Variants in MSRB3 observed in about 807,000 individuals in gnomAD.
MSRB3 encodes the protein methionine sulfoxide reductase B3, also known as methionine-R-sulfoxide reductase B3.
MSRB3 carries 13 observed loss-of-function variants against 21.0 expected under a neutral mutation model. That is an observed-to-expected ratio of 0.62 (90% confidence interval 0.40 to 0.98). The LOEUF (loss-of-function observed/expected upper bound fraction) is 0.98, where lower values mean the gene tolerates loss of function less well. Ranked by LOEUF, MSRB3 falls within the 50% of genes least tolerant of loss-of-function variation. MSRB3 has a pLI of 0.00. For missense variants in MSRB3, 199 were observed against 230.3 expected, an observed-to-expected ratio of 0.86 and a Z score of 0.88; for synonymous variants, 87 against 88.6, an observed-to-expected ratio of 0.98 and a Z score of 0.10.
chr12:65,423,247 C>A (rs1881414865), intron 5 of MSRB3, among the ~76,000 whole-genome samples: 1 of 152,186 alleles, frequency 6.6e-6, no homozygotes, highest in African/African-American at 2.4e-5. Flanking sequence ...CAGGCATGAG[C>A]CACAGTGCCT....
intron 5 of MSRB3, among the ~76,000 whole-genome samples, chr12:65,370,125 C>T (rs1249252245): frequency 6.6e-6 from 1 of 152,086 alleles, no homozygotes; most frequent in Non-Finnish European, 1.5e-5. Flanking sequence ...CTTCTGCAGC[C>T]TCTGAATCAG....
At chr12:65,350,447 A>T (rs1310687076) in intron 4 of MSRB3, among the ~76,000 whole-genome samples, 1 of 151,664 alleles carries the variant, frequency 6.6e-6, no homozygotes, top group Non-Finnish European at 1.5e-5. Flanking sequence ...ACAGGATCAA[A>T]TTCACACGTA....
chr12:65,353,703 T>C (rs141951913), intron 4 of MSRB3, among the ~76,000 whole-genome samples: 249 of 152,336 alleles, frequency 1.6e-3, no homozygotes, highest in African/African-American at 5.2e-3. Context: ...TGTCTTTTCA[T>C]TGGAGCATTT....
intron 2 of MSRB3, among the ~76,000 whole-genome samples, chr12:65,324,211 T>A (rs559534323): frequency 4.6e-5 from 7 of 152,338 alleles, no homozygotes; most frequent in Non-Finnish European, 8.8e-5. Context: ...CAAAACCAAA[T>A]AATTTGTAGG....
rs765351933 is a variant in MSRB3, at chr12:65,278,762, C to G, written c.-155C>G. 1.3e-6 allele frequency: 2 copies of G among 1,577,960 alleles called. No homozygotes were observed. On this transcript the variant is annotated 5_prime_UTR_variant, in exon 1 of 7. Transcript: ENST00000308259. ...TCGGACACCGGCGGCGGCTGCCTGG[C>G]CTTTCCATGAGCCCGCGGCGGACCC...
rs528703241 is a variant in MSRB3 at position 65,347,767 on chromosome 12, C to A, written c.263+19164C>A. ...TATTTGCAGATATGTCCCATCAGTA[C>A]CTAATTTATTGAGAGTTTTTAGCAC... is the stretch of plus-strand genomic sequence containing the variant. On this transcript the variant is annotated intron_variant, in intron 4 of 6. Coordinates refer to ENST00000308259, the MANE Select transcript of MSRB3 (RefSeq NM_001031679.3). Among the ~76,000 whole-genome samples the A allele has an allele frequency of 2.0e-5, 3 of 152,246 alleles. No individual in the cohort carries two copies. In the South Asian group the frequency reaches 6.2e-4, roughly 32 times the overall value.
intron 4 of MSRB3, among the ~76,000 whole-genome samples, chr12:65,341,396 G>GT (rs1483514376): frequency 6.6e-6 from 1 of 151,892 alleles, no homozygotes; most frequent in Admixed American, 6.6e-5. Context: ...TAGAAGGATG[G>GT]TTACCAGAGG....
At chr12:65,392,487 G>T (rs1879536220) in intron 5 of MSRB3, among the ~76,000 whole-genome samples, 1 of 152,146 alleles carries the variant, frequency 6.6e-6, no homozygotes, top group African/African-American at 2.4e-5. Context: ...ACAATTTATG[G>T]CTAGTCCTTT....
intron 5 of MSRB3, among the ~76,000 whole-genome samples, chr12:65,380,885 A>G (rs1878904087): frequency 6.6e-6 from 1 of 152,130 alleles, no homozygotes; most frequent in Non-Finnish European, 1.5e-5. Context: ...AACCTATAAT[A>G]TGAGTTGATG....
intron 4 of MSRB3, among the ~76,000 whole-genome samples, chr12:65,367,565 C>G (rs11175736): frequency 2.0e-5 from 3 of 152,280 alleles, no homozygotes; most frequent in African/African-American, 4.8e-5. Context: ...GTTAATAAGG[C>G]ATGGCTATAG....
chr12:65,285,555 C>G (rs1872288962), intron 1 of MSRB3: 2 of 152,266 alleles, frequency 1.3e-5, no homozygotes, highest in African/African-American at 4.8e-5. Flanking sequence ...GTGTTTTCGG[C>G]TGGGTTTGGT....
intron 4 of MSRB3, among the ~76,000 whole-genome samples, chr12:65,340,078 T>G (rs1428468372): frequency 1.3e-5 from 2 of 152,188 alleles, no homozygotes; most frequent in South Asian, 4.1e-4. Flanking sequence ...ATACAGATAT[T>G]TAAGTTAGGC....
intron 5 of MSRB3, among the ~76,000 whole-genome samples, chr12:65,427,222 G>T (rs1881644248): frequency 6.6e-6 from 1 of 152,132 alleles, no homozygotes; most frequent in Admixed American, 6.5e-5. Context: ...GGGCTTCCAG[G>T]GAACTTGCTG....
chr12:65,360,682 G>A (rs1288533469), intron 4 of MSRB3, among the ~76,000 whole-genome samples: 1 of 152,076 alleles, frequency 6.6e-6, no homozygotes, highest in Non-Finnish European at 1.5e-5. Flanking sequence ...GATAGCTTGT[G>A]TGGGGCAACA....
At chr12:65,383,763 T>A (rs1879067686) in intron 5 of MSRB3, among the ~76,000 whole-genome samples, 1 of 151,204 alleles carries the variant, frequency 6.6e-6, no homozygotes, top group Non-Finnish European at 1.5e-5. Context: ...CTGGTTCAAG[T>A]GATTTTCCTG....
chr12:65,358,059 T>G (rs1478742019), intron 4 of MSRB3, among the ~76,000 whole-genome samples: 3 of 151,938 alleles, frequency 2.0e-5, no homozygotes, highest in Admixed American at 2.0e-4. Flanking sequence ...CATAAATTAT[T>G]TGGAATTCCT....
At chr12:65,335,685 C>T (rs1242010864) in intron 4 of MSRB3, among the ~76,000 whole-genome samples, 1 of 152,128 alleles carries the variant, frequency 6.6e-6, no homozygotes, top group Non-Finnish European at 1.5e-5. Flanking sequence ...CCTCTCTACT[C>T]AAATCCCGTC....
At chr12:65,338,158 AATT>A (rs1370664006) in intron 4 of MSRB3, among the ~76,000 whole-genome samples, 1 of 152,206 alleles carries the variant, frequency 6.6e-6, no homozygotes, top group Non-Finnish European at 1.5e-5. Context: ...GGATTCCCAT[AATT>A]ATTAATTCCC....
intron 5 of MSRB3, among the ~76,000 whole-genome samples, chr12:65,407,429 T>C (rs905075631): frequency 6.6e-6 from 1 of 152,118 alleles, no homozygotes; most frequent in African/African-American, 2.4e-5. Flanking sequence ...ATTCTTATCC[T>C]TGTTCCAGCT....
Sources: allele counts gnomAD v4.1 joint callset (sites outside exome capture counted in the v4.1 genomes callset), GRCh38; gene constraint gnomAD v4.1.1; transcripts MANE v1.5; gene names NCBI Gene and HGNC (gene_info 2026-07-23, HGNC 2026-07-21).